Variants in EVA1C observed in about 807,000 individuals in gnomAD.
EVA1C encodes the protein eva-1 homolog C.
In EVA1C, 25 loss-of-function variants were observed where a neutral mutation model predicts 45.4. The observed-to-expected ratio is 0.55, with a 90% CI of 0.40 to 0.77. The LOEUF (loss-of-function observed/expected upper bound fraction) is 0.77. Among genes scored for constraint, EVA1C ranks in the 30% least tolerant of loss-of-function variants. The pLI is 0.00. For missense variants in EVA1C, 479 were observed against 554.8 expected, an observed-to-expected ratio of 0.86 and a Z score of 1.37; for synonymous variants, 190 against 221.2, an observed-to-expected ratio of 0.86 and a Z score of 1.25.
intron 3 of EVA1C, among the ~76,000 whole-genome samples, chr21:32,465,283 A>G (rs539559768): frequency 6.6e-6 from 1 of 152,352 alleles, no homozygotes; most frequent in East Asian, 1.9e-4. Flanking sequence ...AATCCAGGAA[A>G]GAAAAGTGGA....
intron 1 of EVA1C, among the ~76,000 whole-genome samples, chr21:32,420,875 C>CTAA (rs2034242454): frequency 6.6e-6 from 1 of 152,316 alleles, no homozygotes; most frequent in Non-Finnish European, 1.5e-5. Context: ...GGTAGCCTTT[C>CTAA]TAATACCAAG....
At chr21:32,501,013 A>T (rs2037511816) in intron 5 of EVA1C, among the ~76,000 whole-genome samples, 1 of 152,014 alleles carries the variant, frequency 6.6e-6, no homozygotes, top group Non-Finnish European at 1.5e-5. Context: ...GGGTTTCATC[A>T]TGTTGGCCAG....
chr21:32,458,569 C>A (rs1475330867), intron 3 of EVA1C, among the ~76,000 whole-genome samples: 3 of 151,626 alleles, frequency 2.0e-5, no homozygotes, highest in African/African-American at 7.3e-5. Context: ...ACAACTTTCG[C>A]CTCCCGGGTT....
At chr21:32,502,016 CTTTCTT>C (rs2037557582) in intron 6 of EVA1C, among the ~76,000 whole-genome samples, 1 of 135,950 alleles carries the variant, frequency 7.4e-6, no homozygotes, top group African/African-American at 3.0e-5. Flanking sequence ...TTCTTTCTTT[CTTTCTT>C]TCTTTCTTTC....
intron 4 of EVA1C, among the ~76,000 whole-genome samples, chr21:32,487,393 A>AG (rs1357074102): frequency 2.6e-5 from 4 of 152,138 alleles, no homozygotes; most frequent in Non-Finnish European, 5.9e-5. Context: ...TGGGGCTCAG[A>AG]GACCTTTCAG....
At chr21:32,447,614 G>C (rs377131061) in intron 1 of EVA1C, among the ~76,000 whole-genome samples, 61 of 152,068 alleles carry the variant, frequency 4.0e-4, no homozygotes, top group African/African-American at 1.5e-3. Context: ...TGATCCTGGG[G>C]ATTAAGGCCT....
At chr21:32,494,923 A>G in intron 4 of EVA1C, 104 bp from the exon 5 acceptor site, 1 of 1,225,688 alleles carries the variant, frequency 8.2e-7, no homozygotes, top group South Asian at 1.5e-5. Flanking sequence ...TCTCCATTTG[A>G]TTTGAATCCA....
At chr21:32,418,618 A>G (rs978190170) in intron 1 of EVA1C, among the ~76,000 whole-genome samples, 2 of 152,218 alleles carry the variant, frequency 1.3e-5, no homozygotes, top group African/African-American at 4.8e-5. Context: ...AGAGAGGGTA[A>G]CAAAGTTGCC....
chr21:32,412,715 C>G lies in EVA1C; in HGVS notation c.-139C>G. ...GCTGGCCCGCGCAGGGGAGGAGGCT[C>G]TGGCAGCCTGGGCAGGGAGGCGGCG... On this transcript the variant is annotated 5_prime_UTR_variant, in exon 1 of 8. Transcript: ENST00000300255. 1.1e-6 allele frequency: 1 copy of G among 897,372 alleles called. No homozygotes were observed. Among genetic ancestry groups the G allele is most frequent in the South Asian group, 2.8e-5 (1 of 35,494 alleles). The allele number at this position is 897,372 out of a possible 1,614,324, so 55.6% of individuals were successfully genotyped here. A position where few individuals can be genotyped will look rare whatever the true frequency, so the allele number is the denominator to read the frequency against.
intron 1 of EVA1C, among the ~76,000 whole-genome samples, chr21:32,435,597 C>A (rs1362331893): frequency 6.6e-6 from 1 of 152,196 alleles, no homozygotes; most frequent in Non-Finnish European, 1.5e-5. Context: ...GAAAACCCTG[C>A]AGCCATGCCT....
At chr21:32,450,301 G>A (rs1291669728) in intron 1 of EVA1C, among the ~76,000 whole-genome samples, 2 of 152,072 alleles carry the variant, frequency 1.3e-5, no homozygotes, top group African/African-American at 4.8e-5. Context: ...GTGACAGTCT[G>A]TGGAGCAGGC....
In EVA1C at chr21:32,507,280, C is replaced by A. The variant is rs1379801773; in HGVS notation, c.949+3265C>A. 3.9e-5 allele frequency among the ~76,000 whole-genome samples: 6 copies of A among 152,192 alleles called. No individual in the cohort carries two copies. The East Asian group carries it at 9.6e-4, about 24-fold the overall frequency. On this transcript the variant is annotated intron_variant, in intron 7 of 7. Transcript: ENST00000300255. ...TACAGACTTACTCCCCGAATTCATTCTAGAATCAAGATCATGACTCTAAGG... is the reference window on the plus strand; with the variant it reads ...TACAGACTTACTCCCCGAATTCATTATAGAATCAAGATCATGACTCTAAGG...
intron 1 of EVA1C, chr21:32,433,297 G>C (rs1324005811): frequency 1.3e-5 from 2 of 152,310 alleles, no homozygotes; most frequent in Non-Finnish European, 2.9e-5. Flanking sequence ...TTTGCCTCCT[G>C]TGCGTATGTT....
At chr21:32,415,014 G>A (rs1302382322) in intron 1 of EVA1C, among the ~76,000 whole-genome samples, 4 of 152,150 alleles carry the variant, frequency 2.6e-5, no homozygotes, top group African/African-American at 7.2e-5. Context: ...TCCAAAGTTG[G>A]CTCATTTGAC....
At chr21:32,509,643 G>T (rs1378845116) in intron 7 of EVA1C, among the ~76,000 whole-genome samples, 1 of 152,176 alleles carries the variant, frequency 6.6e-6, no homozygotes, top group East Asian at 1.9e-4. Context: ...CTGCCCTCAG[G>T]AAGCTTGCAT....
chr21:32,450,723 T>C (rs553446299), intron 1 of EVA1C, among the ~76,000 whole-genome samples: 1 of 152,060 alleles, frequency 6.6e-6, no homozygotes, highest in African/African-American at 2.4e-5. Flanking sequence ...CATTGTTTTA[T>C]GAGGGCCTGC....
At chr21:32,413,791 A>G (rs1259229695) in intron 1 of EVA1C, among the ~76,000 whole-genome samples, 9 of 152,192 alleles carry the variant, frequency 5.9e-5, no homozygotes, top group Admixed American at 5.9e-4. Context: ...CAGTTGCTTA[A>G]GGTAACACAT....
chr21:32,471,617 C>T (rs1238704218), intron 4 of EVA1C, among the ~76,000 whole-genome samples: 4 of 151,370 alleles, frequency 2.6e-5, no homozygotes, highest in South Asian at 2.1e-4. Context: ...TGAGCCACTG[C>T]GCCCAGCCTC....
At chr21:32,412,300 G>C (rs1397117858), upstream of EVA1C, 1 of 152,036 alleles carries the variant, frequency 6.6e-6, no homozygotes, top group African/African-American at 2.4e-5. Context: ...GATCGGCCCC[G>C]CCCCGGGGGC....
Sources: gnomAD v4.1 joint callset for allele counts (sites outside exome capture counted in the v4.1 genomes callset) on GRCh38, gnomAD v4.1.1 for gene constraint, MANE v1.5 for transcripts, NCBI Gene and HGNC (gene_info 2026-07-23, HGNC 2026-07-21) for gene names.